The following MARCHF1 variants were observed in gnomAD, a reference collection of about 807,000 sequenced individuals.
MARCHF1 encodes E3 ubiquitin-protein ligase MARCHF1.
MARCHF1 carries 40 observed loss-of-function variants against 54.2 expected under a neutral mutation model. The observed-to-expected ratio is 0.74, with a 90% CI of 0.57 to 0.96. The LOEUF (loss-of-function observed/expected upper bound fraction) is 0.96, where lower values mean the gene tolerates loss of function less well. MARCHF1 is among the 40% of genes least tolerant of loss of function. The pLI is 0.00. For synonymous variants in MARCHF1, 236 were observed against 236.3 expected, an observed-to-expected ratio of 1.00 and a Z score of 0.01; for missense variants, 586 against 656.5, an observed-to-expected ratio of 0.89 and a Z score of 1.17.
intron 2 of MARCHF1, among the ~76,000 whole-genome samples, chr4:164,040,066 A>G (rs955881141): frequency 3.4e-5 from 5 of 146,462 alleles, no homozygotes; most frequent in African/African-American, 4.9e-5. Flanking sequence ...CAAATTATAT[A>G]TTAGTATATA....
chr4:163,974,340 A>C (rs1752607869), intron 3 of MARCHF1, among the ~76,000 whole-genome samples: 1 of 152,206 alleles, frequency 6.6e-6, no homozygotes, highest in African/African-American at 2.4e-5. Flanking sequence ...AAATTGGACT[A>C]TTCTGAGATC....
rs569870760 is a variant in MARCHF1 at position 163,892,780 on chromosome 4, T to G, written c.-38-38611A>C. 2.0e-5 allele frequency among the ~76,000 whole-genome samples: 3 copies of G among 152,244 alleles called. No individual in the cohort carries two copies. The South Asian group carries it at 6.2e-4, about 32-fold the overall frequency. On this transcript the variant is annotated intron_variant, in intron 3 of 9. Transcript: ENST00000514618. ...GAGCTGGTAAGGGTCTGAAGGTTCA[T>G]CTGACTTGAAAGCTAGTAGGAAAGT...
intron 8 of MARCHF1, among the ~76,000 whole-genome samples, chr4:163,556,891 T>TC (rs563843347): frequency 6.6e-6 from 1 of 152,172 alleles, no homozygotes; most frequent in East Asian, 1.9e-4. Context: ...AAGATTTTTT[T>TC]TTTTTTTTAA....
At chr4:163,844,323 G>A (rs147231909) in intron 4 of MARCHF1, among the ~76,000 whole-genome samples, 189 of 152,180 alleles carry the variant, frequency 1.2e-3, no homozygotes, top group African/African-American at 4.3e-3. Flanking sequence ...CTGGATATTA[G>A]ACTTTTGTTG....
intron 1 of MARCHF1, among the ~76,000 whole-genome samples, chr4:164,356,799 AT>A (rs1730564371): frequency 7.9e-6 from 1 of 126,172 alleles, no homozygotes; most frequent in East Asian, 2.6e-4. Context: ...AAAAAATAGT[AT>A]TGTTAACACT....
intron 7 of MARCHF1, among the ~76,000 whole-genome samples, chr4:163,603,572 A>G (rs1741046845): frequency 6.6e-6 from 1 of 152,072 alleles, no homozygotes; most frequent in Non-Finnish European, 1.5e-5. Context: ...AACAATGAGT[A>G]ATTCTTTAGC....
intron 1 of MARCHF1, among the ~76,000 whole-genome samples, chr4:164,263,556 C>G (rs369001762): frequency 7.2e-5 from 11 of 152,094 alleles, no homozygotes; most frequent in East Asian, 1.9e-4. Context: ...GCCACCATGT[C>G]CACCCTTATG....
intron 1 of MARCHF1, among the ~76,000 whole-genome samples, chr4:164,152,406 G>T (rs957948122): frequency 1.3e-5 from 2 of 152,058 alleles, no homozygotes; most frequent in African/African-American, 4.8e-5. Context: ...AGGGGTCTAG[G>T]GAGTCATGCT....
At chr4:163,588,706 A>G (rs772481284) in intron 7 of MARCHF1, among the ~76,000 whole-genome samples, 3 of 152,110 alleles carry the variant, frequency 2.0e-5, no homozygotes, top group African/African-American at 7.2e-5. Context: ...TGGTTTATCT[A>G]TTGTTTAGAG....
chr4:164,023,805 G>T (rs938217049), intron 2 of MARCHF1, among the ~76,000 whole-genome samples: 3 of 152,096 alleles, frequency 2.0e-5, no homozygotes, highest in African/African-American at 7.2e-5. Context: ...AGAGCCAAGA[G>T]AAAGTTGAAA....
At chr4:164,257,218 G>A (rs558819171) in intron 1 of MARCHF1, among the ~76,000 whole-genome samples, 13 of 151,384 alleles carry the variant, frequency 8.6e-5, no homozygotes, top group South Asian at 8.4e-4. Flanking sequence ...AGCTAAAGGT[G>A]CCTATTCAGA....
Position 164,249,401 on chromosome 4 carries a change from G to A in MARCHF1, c.-323+134469C>T, listed in dbSNP as rs577752224. The stretch of plus-strand genomic sequence containing the variant: ...TGAGGCAGAGAGGAGCATAAATAAA[G>A]ACTGAGAAATGAAAATATGTGATGT... On this transcript the variant is annotated intron_variant, in intron 1 of 9. Coordinates refer to ENST00000514618, the MANE Select transcript of MARCHF1 (RefSeq NM_001394959.1). 2.6e-5 allele frequency among the ~76,000 whole-genome samples: 4 copies of A among 152,152 alleles called. No homozygotes were observed. In the South Asian group the frequency reaches 8.3e-4, roughly 32 times the overall value.
At chr4:163,860,097 G>T (rs984600277) in intron 3 of MARCHF1, among the ~76,000 whole-genome samples, 1 of 152,102 alleles carries the variant, frequency 6.6e-6, no homozygotes, top group Non-Finnish European at 1.5e-5. Flanking sequence ...ACCCATTAGA[G>T]AATTGAAGTT....
chr4:163,842,768 A>C (rs1010328529), intron 4 of MARCHF1, among the ~76,000 whole-genome samples: 2 of 152,178 alleles, frequency 1.3e-5, no homozygotes, highest in African/African-American at 2.4e-5. Flanking sequence ...ATACACTTAC[A>C]TGTCTTTGTT....
chr4:164,228,357 G>A (rs1390956302), intron 1 of MARCHF1, among the ~76,000 whole-genome samples: 3 of 152,116 alleles, frequency 2.0e-5, no homozygotes, highest in Non-Finnish European at 2.9e-5. Flanking sequence ...TTAAACACAT[G>A]AGTTGACCTA....
intron 9 of MARCHF1, among the ~76,000 whole-genome samples, chr4:163,533,657 T>C (rs1738433379): frequency 6.9e-6 from 1 of 144,872 alleles, no homozygotes; most frequent in East Asian, 2.0e-4. Context: ...CTAAATCTGC[T>C]CCAAAAATAG....
chr4:163,904,068 T>G (rs1024296521), intron 3 of MARCHF1, among the ~76,000 whole-genome samples: 1 of 152,236 alleles, frequency 6.6e-6, no homozygotes, highest in Non-Finnish European at 1.5e-5. Context: ...TATTTTTCAT[T>G]TCACATTTGT....
chr4:164,143,835 A>C (rs1018857378), intron 1 of MARCHF1, among the ~76,000 whole-genome samples: 3 of 152,216 alleles, frequency 2.0e-5, no homozygotes, highest in African/African-American at 7.2e-5. Context: ...TTGACTTTAA[A>C]TGTCAATGGA....
intron 4 of MARCHF1, among the ~76,000 whole-genome samples, chr4:163,753,986 A>C (rs979540357): frequency 6.6e-6 from 1 of 152,176 alleles, no homozygotes; most frequent in Admixed American, 6.5e-5. Flanking sequence ...GAAATAACTA[A>C]ATGTTTCAGT....
Sources: allele counts gnomAD v4.1 joint callset (sites outside exome capture counted in the v4.1 genomes callset), GRCh38; gene constraint gnomAD v4.1.1; transcripts MANE v1.5; gene names NCBI Gene and HGNC (gene_info 2026-07-23, HGNC 2026-07-21).